TRMT9B: variants seen among roughly 807,000 people sequenced by gnomAD.
The protein encoded by TRMT9B is tRNA methyltransferase 9B (putative).
In TRMT9B, 16 loss-of-function variants were observed where a neutral mutation model predicts 11.5. The ratio of observed to expected loss-of-function variants is 1.39; its 90% CI spans 0.94 to 2.11. The LOEUF is 2.11. TRMT9B is among the 30% of genes most tolerant of loss of function. TRMT9B has a pLI of 0.00. For synonymous variants in TRMT9B, 274 were observed against 192.4 expected, an observed-to-expected ratio of 1.42 and a Z score of -3.51; for missense variants, 941 against 553.8, an observed-to-expected ratio of 1.70 and a Z score of -7.02.
In TRMT9B at chr8:12,959,516, C is replaced by CTTTTTTTTTTTTTTTTTTTT. The variant is rs61536433; in HGVS notation, c.-200+13554_-200+13573dup. On this transcript the variant is annotated intron_variant, in intron 1 of 4. Transcript: ENST00000524591. Reference sequence around the variant, plus strand: ...TCTCCTCTCCTTTCCTTTTTCCTTCCTTTTTTTTTTTTTTTTTTTTTTTGA... The same window carrying CTTTTTTTTTTTTTTTTTTTT: ...TCTCCTCTCCTTTCCTTTTTCCTTCCTTTTTTTTTTTTTTTTTTTTTTTTTTTTTTTTTTTTTTTTTTTGA... Among the ~76,000 whole-genome samples the CTTTTTTTTTTTTTTTTTTTT allele has an allele frequency of 2.7e-4, 20 of 74,896 alleles. 2 individuals carry two copies. The highest frequency in any genetic ancestry group is 3.8e-4 in the Non-Finnish European group (16 of 42,666). The allele number at this position is 74,896 out of a possible 152,430, so 49.1% of individuals were successfully genotyped here. A position where few individuals can be genotyped will look rare whatever the true frequency, so the allele number is the denominator to read the frequency against.
At chr8:12,980,119 A>G (rs2128872657) in intron 1 of TRMT9B, among the ~76,000 whole-genome samples, 1 of 152,284 alleles carries the variant, frequency 6.6e-6, no homozygotes, top group South Asian at 2.1e-4. Context: ...GGGTGGCTGA[A>G]AACAACAGAA....
intron 3 of TRMT9B, among the ~76,000 whole-genome samples, chr8:13,009,057 T>A (rs1811060595): frequency 8.0e-6 from 1 of 124,908 alleles, no homozygotes; most frequent in South Asian, 2.3e-4. Context: ...TAAGCATTCT[T>A]CAACATCACT....
intron 1 of TRMT9B, among the ~76,000 whole-genome samples, chr8:12,980,501 G>T (rs1013469587): frequency 2.6e-5 from 4 of 152,256 alleles, no homozygotes; most frequent in African/African-American, 9.6e-5. Context: ...AGTGGGCAAA[G>T]CTCCCTGCTC....
At chr8:12,967,534 C>G (rs961038196) in intron 1 of TRMT9B, among the ~76,000 whole-genome samples, 5 of 152,174 alleles carry the variant, frequency 3.3e-5, no homozygotes, top group Admixed American at 2.0e-4. Flanking sequence ...ACCATTTGAC[C>G]AACTCAGACC....
In TRMT9B at chr8:13,023,442, T is replaced by C. The variant is rs557741882; in HGVS notation, c.*1398T>C. The C allele has an allele frequency of 6.0e-6, 1 of 167,122 alleles. No individual in the cohort carries two copies. The highest frequency in any genetic ancestry group is 1.5e-5 in the Non-Finnish European group (1 of 68,130). 10.4% of individuals were successfully genotyped at this position (167,122 alleles called of 1,614,324 possible). On this transcript the variant is annotated 3_prime_UTR_variant, in exon 5 of 5. Transcript: ENST00000524591. ...GAATTTAGGTAGAATCAACTTCTAC[T>C]GATTACAGGTTGAATTTCTGTCACT...
At chr8:12,953,031 C>T (rs1248320271) in intron 1 of TRMT9B, among the ~76,000 whole-genome samples, 2 of 152,274 alleles carry the variant, frequency 1.3e-5, no homozygotes, top group East Asian at 3.9e-4. Flanking sequence ...AGCCACCGGG[C>T]CCGGCTGATT....
In TRMT9B at chr8:13,018,648, G is replaced by A. The variant is rs542930311; in HGVS notation, c.329-2360G>A. Among the ~76,000 whole-genome samples the A allele has an allele frequency of 5.3e-5, 8 of 152,164 alleles. No individual in the cohort carries two copies. In the South Asian group the frequency reaches 1.5e-3, roughly 28 times the overall value. On this transcript the variant is annotated intron_variant, in intron 4 of 4. Transcript: ENST00000524591. ...TATAGAATCCCAAGAGGCATACAGC[G>A]GTTTCTGTGAGCCTCTGATCACAAC...
chr8:12,978,861 A>C (rs1438309170), intron 1 of TRMT9B, among the ~76,000 whole-genome samples: 1 of 152,186 alleles, frequency 6.6e-6, no homozygotes, highest in Non-Finnish European at 1.5e-5. Context: ...TAATAAACTC[A>C]ATATAGTCTA....
At chr8:12,959,415 G>A (rs1004121173) in intron 1 of TRMT9B, among the ~76,000 whole-genome samples, 26 of 148,956 alleles carry the variant, frequency 1.7e-4, no homozygotes, top group African/African-American at 6.2e-4. Flanking sequence ...AATGTATGTT[G>A]TCTTTATGTC....
chr8:13,011,410 T>A (rs986471204), intron 3 of TRMT9B: 127 of 985,322 alleles, frequency 1.3e-4, no homozygotes, highest in Middle Eastern at 5.2e-4. Context: ...AGTGTCCTGA[T>A]GTATTTCAGA....
chr8:13,016,611 G>A lies in TRMT9B; in HGVS notation c.328+3754G>A, dbSNP rs953553281. Among the ~76,000 whole-genome samples the A allele has an allele frequency of 3.3e-5, 5 of 151,336 alleles. No homozygotes were observed. The Admixed American group carries it at 3.3e-4, about 10-fold the overall frequency. On this transcript the variant is annotated intron_variant, in intron 4 of 4. Transcript: ENST00000524591. ...ACCTGGTTATGCCTTCATTTTATTGGCATATTAGAAAAAGAAATATTGTTG... is the reference window on the plus strand; with the variant it reads ...ACCTGGTTATGCCTTCATTTTATTGACATATTAGAAAAAGAAATATTGTTG...
intron 1 of TRMT9B, among the ~76,000 whole-genome samples, chr8:12,980,337 T>G (rs540250024): frequency 6.6e-6 from 1 of 152,206 alleles, no homozygotes; most frequent in East Asian, 1.9e-4. Context: ...GTCATTGGCA[T>G]GTAGGGTCCA....
intron 1 of TRMT9B, among the ~76,000 whole-genome samples, chr8:12,952,999 A>G (rs896442585): frequency 6.6e-6 from 1 of 152,068 alleles, no homozygotes; most frequent in African/African-American, 2.4e-5. Context: ...CGGCCTCCCA[A>G]AGTGCTGGGA....
At chr8:12,994,685 C>T (rs1051347186) in intron 2 of TRMT9B, among the ~76,000 whole-genome samples, 2 of 151,616 alleles carry the variant, frequency 1.3e-5, no homozygotes, top group African/African-American at 4.8e-5. Flanking sequence ...CGAACATTTT[C>T]TTTTTTTTTA....
chr8:12,998,878 A>G (rs1808845990), intron 2 of TRMT9B, among the ~76,000 whole-genome samples: 1 of 152,144 alleles, frequency 6.6e-6, no homozygotes, highest in Non-Finnish European at 1.5e-5. Flanking sequence ...TTGGGAAAAA[A>G]CCTTTTTACT....
chr8:12,982,110 T>A (rs924578720), intron 1 of TRMT9B, among the ~76,000 whole-genome samples: 5 of 152,210 alleles, frequency 3.3e-5, no homozygotes, highest in African/African-American at 1.2e-4. Flanking sequence ...TACCTCTCCA[T>A]GTCTTTGCCC....
At position 12,990,930 on chromosome 8, in the gene TRMT9B, A is replaced by G. The variant is rs1301356854; in HGVS notation, c.-103A>G. ...CTACAAGTTTTCATTTACGTTACAC[A>G]TTGAGAAAGTTATGAGAAGCAACTG... is the stretch of plus-strand genomic sequence containing the variant. On this transcript the variant is annotated 5_prime_UTR_variant, in exon 2 of 5. Coordinates refer to ENST00000524591, the MANE Select transcript of TRMT9B (RefSeq NM_020844.3). 7.8e-7 allele frequency: 1 copy of G among 1,289,282 alleles called. No individual in the cohort carries two copies. Among genetic ancestry groups the G allele is most frequent in the Non-Finnish European group, 1.0e-6 (1 of 988,498 alleles). 79.9% of individuals were successfully genotyped at this position (1,289,282 alleles called of 1,614,324 possible).
chr8:13,010,552 A>G, intron 3 of TRMT9B: 1 of 985,228 alleles, frequency 1.0e-6, no homozygotes, highest in Non-Finnish European at 1.2e-6. Context: ...GAAGGCCATT[A>G]GAAATGAATA....
chr8:12,999,943 G>T (rs1809099770), intron 2 of TRMT9B, among the ~76,000 whole-genome samples: 2 of 152,240 alleles, frequency 1.3e-5, no homozygotes, highest in Admixed American at 1.3e-4. Context: ...GAAGAAAAAA[G>T]GGGGAACTTA....
Sources: allele counts gnomAD v4.1 joint callset (sites outside exome capture counted in the v4.1 genomes callset), GRCh38; gene constraint gnomAD v4.1.1; transcripts MANE v1.5; gene names NCBI Gene and HGNC (gene_info 2026-07-23, HGNC 2026-07-21).